The following TANGO6 variants were observed in gnomAD, a reference collection of about 807,000 sequenced individuals.
The protein encoded by TANGO6 is transport and Golgi organization protein 6 homolog.
A neutral mutation model predicts 114.2 loss-of-function variants in TANGO6; 90 were observed. The observed-to-expected ratio is 0.79, with a 90% CI of 0.66 to 0.94. The LOEUF (loss-of-function observed/expected upper bound fraction) is 0.94. Ranked by LOEUF, TANGO6 falls within the 40% of genes least tolerant of loss-of-function variation. The probability of loss-of-function intolerance (pLI) is 0.00; values close to 1 mark genes in which losing one functional copy is unlikely to be tolerated. For synonymous variants in TANGO6, 477 were observed against 509.8 expected (o/e 0.94, Z 0.87); for missense variants, 1,274 against 1,315.3 (o/e 0.97, Z 0.49).
intron 17 of TANGO6, among the ~76,000 whole-genome samples, chr16:69,055,036 C>G (rs1406608330): frequency 6.7e-6 from 1 of 149,066 alleles, no homozygotes; most frequent in African/African-American, 2.5e-5. Context: ...TTTTTTTATC[C>G]CTCTACATAA....
chr16:68,872,490 C>T (rs757154262), intron 4 of TANGO6, among the ~76,000 whole-genome samples: 1 of 151,172 alleles, frequency 6.6e-6, no homozygotes, highest in Non-Finnish European at 1.5e-5. Context: ...TTAGTAGAGA[C>T]AGCGTTTCAC....
Position 68,893,468 on chromosome 16 carries a change from A to G in TANGO6, c.1378-6966A>G, listed in dbSNP as rs112553397. 4.9e-3 allele frequency among the ~76,000 whole-genome samples: 745 copies of G among 152,322 alleles called. 6 individuals are homozygous for G. The highest frequency in any genetic ancestry group is 0.017 in the African/African-American group (712 of 41,580). On this transcript the variant is annotated intron_variant, in intron 7 of 17. Coordinates refer to ENST00000261778, the MANE Select transcript of TANGO6 (RefSeq NM_024562.2). Reference sequence around the variant, plus strand: ...AATCATACATGAAGTGGCCAGGCACAGTGGCTCATGCCTGTAATCCCAGCA... The same window carrying G: ...AATCATACATGAAGTGGCCAGGCACGGTGGCTCATGCCTGTAATCCCAGCA...
At chr16:69,060,420 G>C (rs1485119807) in intron 17 of TANGO6, among the ~76,000 whole-genome samples, 3 of 151,932 alleles carry the variant, frequency 2.0e-5, no homozygotes, top group East Asian at 1.9e-4. Context: ...ACATAGCGAG[G>C]CCTCATCTCT....
intron 15 of TANGO6, among the ~76,000 whole-genome samples, chr16:69,021,056 A>G (rs1597060942): frequency 1.3e-5 from 2 of 152,016 alleles, no homozygotes; most frequent in African/African-American, 4.8e-5. Flanking sequence ...CATACATGGT[A>G]CCCAACAATG....
chr16:68,848,124 CTCCCTG>C (rs1224179562), intron 1 of TANGO6, among the ~76,000 whole-genome samples: 1 of 152,010 alleles, frequency 6.6e-6, no homozygotes, highest in East Asian at 1.9e-4. Context: ...GAGACAGGGT[CTCCCTG>C]TGTTGCCCAG....
chr16:69,026,015 T>C (rs112868699), intron 16 of TANGO6: 2 of 154,156 alleles, frequency 1.3e-5, no homozygotes, highest in African/African-American at 2.4e-5. Context: ...TTTTTTTTTT[T>C]TCTTGAGACA....
chr16:68,934,206 G>A (rs1434579234), intron 14 of TANGO6, among the ~76,000 whole-genome samples: 3 of 151,844 alleles, frequency 2.0e-5, no homozygotes, highest in Non-Finnish European at 4.4e-5. Flanking sequence ...ACACACATCA[G>A]GCTAATTTTT....
rs78091117 is a variant in TANGO6 at position 69,052,532 on chromosome 16, A to G, written c.3108+12111A>G. ...CTGCCCACCTCGGCCTCCCAAAGTC[A>G]TAGGATTACAGGTGTGAGCCACTGT... On this transcript the variant is annotated intron_variant, in intron 17 of 17. Transcript: ENST00000261778. Among the ~76,000 whole-genome samples the G allele has an allele frequency of 6.4e-3, 974 of 152,024 alleles. 8 individuals are homozygous for G. The highest frequency in any genetic ancestry group is 0.02 in the African/African-American group (835 of 41,512).
rs1250171718 is a variant in TANGO6, at chr16:68,859,923, T to G, written c.134T>G (p.Val45Gly). The G allele has an allele frequency of 8.1e-6, 13 of 1,601,806 alleles. No homozygotes were observed. The highest frequency in any genetic ancestry group is 1.1e-5 in the Non-Finnish European group (13 of 1,173,350). ...SSSLQVTKHDVLLATLKSNLS... is the reference protein window; with the variant it reads ...SSSLQVTKHDGLLATLKSNLS... The stretch of plus-strand genomic sequence containing the variant: ...TCACTACAGGTCACAAAACATGATG[T>G]CTTGTTGGCTACTTTAAAATCTAAC... Residue 45 changes from valine to glycine, a missense_variant, in exon 2 of 18, where the codon GTC (valine) becomes GGC (glycine). Physicochemically the swap from Val to Gly is moderately radical, Grantham distance 109. Coordinates refer to ENST00000261778, the MANE Select transcript of TANGO6 (RefSeq NM_024562.2).
At chr16:69,063,622 G>T (rs981557929) in intron 17 of TANGO6, among the ~76,000 whole-genome samples, 1 of 130,362 alleles carries the variant, frequency 7.7e-6, no homozygotes, top group Non-Finnish European at 1.6e-5. Flanking sequence ...GGAGGCAAAG[G>T]CTGCGGTGAG....
intron 12 of TANGO6, among the ~76,000 whole-genome samples, chr16:68,920,983 G>A (rs2152191740): frequency 6.6e-6 from 1 of 151,214 alleles, no homozygotes; most frequent in South Asian, 2.1e-4. Context: ...GGTGCCTGTA[G>A]TCCCAGCTAC....
intron 17 of TANGO6, among the ~76,000 whole-genome samples, chr16:69,057,103 G>A (rs144972409): frequency 1.5e-5 from 2 of 136,856 alleles, no homozygotes; most frequent in African/African-American, 2.8e-5. Flanking sequence ...ATGGGTTCAC[G>A]TCCCAGGTTC....
chr16:69,037,236 A>G (rs1300771800), intron 16 of TANGO6, among the ~76,000 whole-genome samples: 1 of 152,056 alleles, frequency 6.6e-6, no homozygotes, highest in Admixed American at 6.6e-5. Context: ...TAATGCACAA[A>G]TGCCCAACTG....
intron 14 of TANGO6, among the ~76,000 whole-genome samples, chr16:68,947,386 G>A (rs1018377590): frequency 6.6e-6 from 1 of 151,858 alleles, no homozygotes; most frequent in Non-Finnish European, 1.5e-5. Context: ...CCAGGGAGTC[G>A]AAGGTTGCGG....
chr16:69,046,243 G>T (rs556827146), intron 17 of TANGO6, among the ~76,000 whole-genome samples: 4 of 151,496 alleles, frequency 2.6e-5, no homozygotes, highest in African/African-American at 9.7e-5. Context: ...CAGGAAAATG[G>T]AACATGTTCC....
At chr16:69,030,617 C>G (rs374576795) in intron 16 of TANGO6, among the ~76,000 whole-genome samples, 2 of 152,090 alleles carry the variant, frequency 1.3e-5, no homozygotes, top group East Asian at 3.9e-4. Flanking sequence ...AGCCTCCTGG[C>G]TCACAGCAAG....
chr16:68,938,488 G>A (rs1457554770), intron 14 of TANGO6, among the ~76,000 whole-genome samples: 2 of 152,050 alleles, frequency 1.3e-5, no homozygotes, highest in East Asian at 3.9e-4. Flanking sequence ...TATTTTTGGA[G>A]CAACATTATG....
At chr16:69,067,506 A>G (rs1468974606) in intron 17 of TANGO6, among the ~76,000 whole-genome samples, 2 of 134,260 alleles carry the variant, frequency 1.5e-5, no homozygotes, top group Non-Finnish European at 1.6e-5. Flanking sequence ...CAACAAGAGC[A>G]AAACTCCATC....
chr16:68,917,877 TG>T (rs1221616780), intron 11 of TANGO6, among the ~76,000 whole-genome samples: 2 of 151,706 alleles, frequency 1.3e-5, no homozygotes, highest in Admixed American at 6.6e-5. Context: ...CTCAGTCTCC[TG>T]AGTAGCTGGG....
Sources: allele counts gnomAD v4.1 joint callset (sites outside exome capture counted in the v4.1 genomes callset), GRCh38; gene constraint gnomAD v4.1.1; transcripts MANE v1.5; gene names NCBI Gene and HGNC (gene_info 2026-07-23, HGNC 2026-07-21).